Variants in COG5 observed in about 807,000 individuals in gnomAD.
The protein encoded by COG5 is component of oligomeric golgi complex 5, also known as conserved oligomeric Golgi complex subunit 5.
Under a neutral mutation model 110.4 loss-of-function variants are expected in COG5, and 86 were observed. The ratio of observed to expected loss-of-function variants is 0.78; its 90% CI spans 0.65 to 0.93. COG5 has a LOEUF of 0.93. Among genes scored for constraint, COG5 ranks in the 40% least tolerant of loss-of-function variants. The probability of loss-of-function intolerance (pLI) is 0.00; values close to 1 mark genes in which losing one functional copy is unlikely to be tolerated. For synonymous variants in COG5, 360 were observed against 334.6 expected (o/e 1.08, Z -0.83); for missense variants, 1,077 against 987.0 (o/e 1.09, Z -1.22).
intron 10 of COG5, among the ~76,000 whole-genome samples, chr7:107,331,818 G>C (rs1186886316): frequency 2.6e-5 from 4 of 151,168 alleles, no homozygotes; most frequent in Non-Finnish European, 5.9e-5. Context: ...GGGCATCCAA[G>C]TGGAGATGAC....
intron 8 of COG5, among the ~76,000 whole-genome samples, chr7:107,369,839 AAG>A (rs1354097761): frequency 9.9e-5 from 15 of 152,206 alleles, no homozygotes; most frequent in Admixed American, 8.5e-4. Context: ...CATAGTTTAC[AAG>A]AGTTTCTGCT....
intron 5 of COG5, among the ~76,000 whole-genome samples, chr7:107,545,467 G>A (rs1041152672): frequency 6.6e-6 from 1 of 152,122 alleles, no homozygotes; most frequent in African/African-American, 2.4e-5. Context: ...GAGAGACAGG[G>A]ATGATCTATT....
intron 16 of COG5, among the ~76,000 whole-genome samples, chr7:107,256,302 G>A (rs1464008831): frequency 1.3e-5 from 2 of 152,082 alleles, no homozygotes; most frequent in Admixed American, 6.6e-5. Flanking sequence ...ATTGCAAGAT[G>A]TTCAGCAAAA....
chr7:107,392,768 T>C (rs1369169065), intron 7 of COG5, among the ~76,000 whole-genome samples: 1 of 152,188 alleles, frequency 6.6e-6, no homozygotes, highest in African/African-American at 2.4e-5. Flanking sequence ...ATGTCCTTTT[T>C]TTAATTGTAG....
chr7:107,381,752 G>T (rs1403272292), intron 7 of COG5, among the ~76,000 whole-genome samples: 1 of 152,198 alleles, frequency 6.6e-6, no homozygotes, highest in Non-Finnish European at 1.5e-5. Flanking sequence ...ATTATCGACT[G>T]AACTCAGAAA....
Position 107,256,989 on chromosome 7 carries a change from A to G in COG5, c.1687-195T>C, listed in dbSNP as rs115097070. 9.2e-3 allele frequency among the ~76,000 whole-genome samples: 1,407 copies of G among 152,280 alleles called. 24 individuals carry two copies. Among genetic ancestry groups the G allele is most frequent in the African/African-American group, 0.031 (1,308 of 41,566 alleles). On this transcript the variant is annotated intron_variant, in intron 15 of 21. Coordinates refer to ENST00000297135, the MANE Select transcript of COG5 (RefSeq NM_006348.5). The stretch of plus-strand genomic sequence containing the variant: ...GGTTGAAAAATAATTTTGTGTATAA[A>G]GCAAACACATACTTCAAATAACATT...
chr7:107,500,446 G>A (rs532880325), intron 6 of COG5, among the ~76,000 whole-genome samples: 7 of 152,056 alleles, frequency 4.6e-5, no homozygotes, highest in Non-Finnish European at 7.4e-5. Context: ...CTCATTCTGA[G>A]GATCATGCCT....
At chr7:107,344,546 C>T (rs561360566) in intron 10 of COG5, among the ~76,000 whole-genome samples, 14 of 152,210 alleles carry the variant, frequency 9.2e-5, no homozygotes, top group East Asian at 5.8e-4. Context: ...TTATTTTAGA[C>T]GGAGTTTCAC....
At chr7:107,207,546 G>T (rs1287328855) in intron 21 of COG5, among the ~76,000 whole-genome samples, 1 of 152,208 alleles carries the variant, frequency 6.6e-6, no homozygotes, top group African/African-American at 2.4e-5. Context: ...AGAGTAAATG[G>T]ATTTGAGGCC....
At chr7:107,399,387 C>T (rs1455778944) in intron 7 of COG5, among the ~76,000 whole-genome samples, 1 of 147,784 alleles carries the variant, frequency 6.8e-6, no homozygotes, top group Non-Finnish European at 1.5e-5. Context: ...GAGGGAGGAA[C>T]CTGGTGGGAG....
intron 2 of COG5, among the ~76,000 whole-genome samples, 196 bp from the exon 3 acceptor site, chr7:107,554,538 G>A (rs762295843): frequency 2.6e-5 from 4 of 152,186 alleles, no homozygotes; most frequent in Non-Finnish European, 4.4e-5. Flanking sequence ...TCAACACAGA[G>A]CAAGAGGAGT....
chr7:107,516,456 A>C (rs1244235344), intron 6 of COG5, among the ~76,000 whole-genome samples: 1 of 152,208 alleles, frequency 6.6e-6, no homozygotes, highest in Non-Finnish European at 1.5e-5. Context: ...GAGCTTCTTA[A>C]ATTTTGATGA....
chr7:107,361,323 A>G (rs1193674862), intron 10 of COG5, among the ~76,000 whole-genome samples: 1 of 152,202 alleles, frequency 6.6e-6, no homozygotes, highest in Non-Finnish European at 1.5e-5. Flanking sequence ...TGAATATAGC[A>G]AAGTACTTTA....
chr7:107,324,216 A>G (rs947410563), intron 11 of COG5, among the ~76,000 whole-genome samples: 5 of 152,150 alleles, frequency 3.3e-5, no homozygotes, highest in Non-Finnish European at 5.9e-5. Context: ...TTTCTGGAGA[A>G]TTTTATTCTA....
chr7:107,258,340 G>T lies in COG5; in HGVS notation c.1619C>A (p.Thr540Asn). ...TGCCACATTTCTTCTCTGTCCTTCAGTAAGAGGCCCAATCACCTGACTTGC... is the reference window on the plus strand; with the variant it reads ...TGCCACATTTCTTCTCTGTCCTTCATTAAGAGGCCCAATCACCTGACTTGC... ...GDASQVIGPL[T>N]EGQRRNVAVV... The change falls in exon 15 of 22, where the codon ACT becomes AAT. Residue 540 changes from threonine (T) to asparagine (N), a missense_variant. Transcript: ENST00000297135. 1 of 1,613,082 alleles carries T rather than the reference G, an allele frequency of 6.2e-7. No homozygotes were observed. The highest frequency in any genetic ancestry group is 1.1e-5 in the South Asian group (1 of 91,072).
intron 7 of COG5, among the ~76,000 whole-genome samples, chr7:107,402,919 GTTTA>G (rs368963446): frequency 3.4e-4 from 52 of 152,290 alleles, no homozygotes; most frequent in African/African-American, 1.2e-3. Flanking sequence ...AAGGTCAGAA[GTTTA>G]TTTATGTATT....
intron 5 of COG5, 37 bp downstream of exon 5, chr7:107,548,074 A>T (rs1371788239): frequency 1.3e-6 from 2 of 1,547,320 alleles, no homozygotes; most frequent in Middle Eastern, 1.9e-4. Flanking sequence ...AAACAAAATG[A>T]ATAATAAAGT....
At chr7:107,431,582 C>A (rs1208329000) in intron 6 of COG5, among the ~76,000 whole-genome samples, 1 of 152,132 alleles carries the variant, frequency 6.6e-6, no homozygotes, top group African/African-American at 2.4e-5. Flanking sequence ...CAAACTCTAT[C>A]ATCTTACTAT....
chr7:107,425,245 C>T (rs1439343356), intron 6 of COG5, among the ~76,000 whole-genome samples: 1 of 151,636 alleles, frequency 6.6e-6, no homozygotes, highest in African/African-American at 2.4e-5. Context: ...CTGATAGAAG[C>T]CCTTTGTTTA....
Sources: gnomAD v4.1 joint callset for allele counts (sites outside exome capture counted in the v4.1 genomes callset) on GRCh38, gnomAD v4.1.1 for gene constraint, MANE v1.5 for transcripts, NCBI Gene and HGNC (gene_info 2026-07-23, HGNC 2026-07-21) for gene names.